Variants in PTPRN2 observed in about 807,000 individuals in gnomAD.
PTPRN2 encodes the protein receptor-type tyrosine-protein phosphatase N2.
PTPRN2 carries 74 observed loss-of-function variants against 118.8 expected under a neutral mutation model. That is an observed-to-expected ratio of 0.62 (90% CI 0.52 to 0.76). The LOEUF is 0.76. Among genes scored for constraint, PTPRN2 ranks in the 30% least tolerant of loss-of-function variants. The probability of loss-of-function intolerance (pLI) is 0.00; values close to 1 mark genes in which losing one functional copy is unlikely to be tolerated. For synonymous variants in PTPRN2, 641 were observed against 608.0 expected (o/e 1.05, Z -0.80); for missense variants, 1,481 against 1,394.4 (o/e 1.06, Z -0.99).
At chr7:157,749,643 G>C (rs56143245) in intron 12 of PTPRN2, among the ~76,000 whole-genome samples, 11,470 of 111,272 alleles carry the variant, frequency 0.1, 1,308 homozygotes, top group African/African-American at 0.2. Context: ...GAGCTGTGGG[G>C]TGTCCGGGTG....
At chr7:157,968,351 C>A (rs556371042) in intron 11 of PTPRN2, among the ~76,000 whole-genome samples, 18 of 152,304 alleles carry the variant, frequency 1.2e-4, no homozygotes, top group African/African-American at 4.3e-4. Flanking sequence ...TGGCCTTGGG[C>A]AGCACCTGTG....
At chr7:157,541,392 A>C (rs1189843154) in intron 22 of PTPRN2, among the ~76,000 whole-genome samples, 1 of 152,222 alleles carries the variant, frequency 6.6e-6, no homozygotes, top group African/African-American at 2.4e-5. Flanking sequence ...CCACTTGGGC[A>C]GGCACACCTG....
At chr7:158,493,217 A>G (rs1311655766) in intron 1 of PTPRN2, among the ~76,000 whole-genome samples, 1 of 152,230 alleles carries the variant, frequency 6.6e-6, no homozygotes, top group African/African-American at 2.4e-5. Flanking sequence ...ACATCCAGTC[A>G]TGAATGCATG....
chr7:157,821,417 T>G (rs576876672), intron 12 of PTPRN2, among the ~76,000 whole-genome samples: 2 of 152,104 alleles, frequency 1.3e-5, no homozygotes, highest in Admixed American at 6.5e-5. Context: ...TGGAGAGAAG[T>G]GTCCTGAGGA....
At chr7:157,620,579 C>T (rs1413206024) in intron 15 of PTPRN2, among the ~76,000 whole-genome samples, 1 of 152,220 alleles carries the variant, frequency 6.6e-6, no homozygotes, top group East Asian at 1.9e-4. Context: ...CAGCGTGACC[C>T]CAATTACAGA....
Position 157,621,420 on chromosome 7 carries a change from C to A in PTPRN2, c.2286G>T (p.Ser762=). 1 of 1,613,396 alleles carries A rather than the reference C, an allele frequency of 6.2e-7. No individual in the cohort carries two copies. The highest frequency in any genetic ancestry group is 8.5e-7 in the Non-Finnish European group (1 of 1,179,840). The stretch of plus-strand genomic sequence containing the variant: ...CGTTCTCCTCCCTCTGGGCCACGAA[C>A]GAGCTGTTGGGCTCCGCCTGGTAGG... ...LCAYQAEPNS[S]FVAQREENVP... The change falls in exon 15 of 23, where the codon TCG becomes TCT. Residue 762 remains serine (S), a synonymous_variant. Coordinates refer to ENST00000389418, the MANE Select transcript of PTPRN2 (RefSeq NM_002847.5).
chr7:158,035,471 G>A (rs889584951), intron 11 of PTPRN2, among the ~76,000 whole-genome samples: 3 of 152,240 alleles, frequency 2.0e-5, no homozygotes, highest in Non-Finnish European at 2.9e-5. Context: ...TGTGGCAGTG[G>A]CAGGCAGGGG....
intron 15 of PTPRN2, among the ~76,000 whole-genome samples, chr7:157,607,817 C>A (rs1177412539): frequency 1.3e-5 from 2 of 152,088 alleles, no homozygotes; most frequent in African/African-American, 4.8e-5. Context: ...GTTAGACATG[C>A]ATTCTACGAG....
chr7:158,330,092 G>A (rs1365202603), intron 2 of PTPRN2, among the ~76,000 whole-genome samples: 2 of 144,690 alleles, frequency 1.4e-5, no homozygotes, highest in Non-Finnish European at 3.1e-5. Flanking sequence ...ACCTGCAGAC[G>A]TCACTCACAC....
intron 2 of PTPRN2, among the ~76,000 whole-genome samples, chr7:158,333,608 A>T (rs1482039682): frequency 6.6e-6 from 1 of 150,934 alleles, no homozygotes; most frequent in Non-Finnish European, 1.5e-5. Flanking sequence ...CCACACTCTC[A>T]CTATAAGAGG....
rs562396384 is a variant in PTPRN2 at position 157,920,822 on chromosome 7, A to G, written c.1724-22085T>C. 6.6e-5 allele frequency among the ~76,000 whole-genome samples: 10 copies of G among 152,348 alleles called. 1 individual carries two copies. The highest frequency in any genetic ancestry group is 1.9e-4 in the African/African-American group (8 of 41,576). ...AAACTATACAACTTCTAGAAGATAC[A>G]AAGAAAATCTAGGTGACCTTGGGTT... On this transcript the variant is annotated intron_variant, in intron 11 of 22. Transcript: ENST00000389418.
chr7:158,571,654 G>T (rs1221992151), intron 1 of PTPRN2, among the ~76,000 whole-genome samples: 1 of 151,320 alleles, frequency 6.6e-6, no homozygotes, highest in African/African-American at 2.4e-5. Context: ...CAAATGCGTG[G>T]TTTGACCTTT....
chr7:157,790,256 G>T (rs1804394592), intron 12 of PTPRN2, among the ~76,000 whole-genome samples: 1 of 142,034 alleles, frequency 7.0e-6, no homozygotes, highest in Admixed American at 7.0e-5. Flanking sequence ...TGGTGGGGGT[G>T]TGTGTGTGGT....
chr7:157,833,158 G>A (rs998767156), intron 12 of PTPRN2, among the ~76,000 whole-genome samples: 4 of 148,904 alleles, frequency 2.7e-5, no homozygotes, highest in South Asian at 2.1e-4. Context: ...TCGTAAACTC[G>A]TTCAGGAAGT....
At chr7:157,646,836 C>A (rs2150709782) in intron 14 of PTPRN2, among the ~76,000 whole-genome samples, 1 of 152,350 alleles carries the variant, frequency 6.6e-6, no homozygotes, top group Non-Finnish European at 1.5e-5. Flanking sequence ...GAGGTCAGAC[C>A]CATCCAGCGT....
intron 11 of PTPRN2, among the ~76,000 whole-genome samples, chr7:157,946,126 C>A (rs1800469741): frequency 6.6e-6 from 1 of 152,152 alleles, no homozygotes; most frequent in Admixed American, 6.5e-5. Context: ...CTTGAGGTGG[C>A]AGAAACAGCT....
chr7:157,840,591 G>C (rs567951148), intron 12 of PTPRN2, among the ~76,000 whole-genome samples: 2 of 152,192 alleles, frequency 1.3e-5, no homozygotes, highest in African/African-American at 4.8e-5. Context: ...CATCCGAGCC[G>C]GCTGAAGCCC....
intron 12 of PTPRN2, among the ~76,000 whole-genome samples, chr7:157,842,665 A>G (rs959969599): frequency 1.3e-5 from 2 of 152,048 alleles, no homozygotes; most frequent in African/African-American, 2.4e-5. Context: ...CGCCCACCTC[A>G]GCCTCCCAAA....
At chr7:158,474,870 G>A (rs1820130268) in intron 2 of PTPRN2, among the ~76,000 whole-genome samples, 1 of 152,224 alleles carries the variant, frequency 6.6e-6, no homozygotes, top group Non-Finnish European at 1.5e-5. Flanking sequence ...TGATGCCACG[G>A]GGTGCCCTGT....
Sources: allele counts gnomAD v4.1 joint callset (sites outside exome capture counted in the v4.1 genomes callset), GRCh38; gene constraint gnomAD v4.1.1; transcripts MANE v1.5; gene names NCBI Gene and HGNC (gene_info 2026-07-23, HGNC 2026-07-21).